RECK: variants seen among roughly 807,000 people sequenced by gnomAD.
The protein encoded by RECK is reversion-inducing cysteine-rich protein with Kazal motifs.
RECK carries 69 observed loss-of-function variants against 115.1 expected under a neutral mutation model. The observed-to-expected ratio is 0.60, with a 90% CI of 0.49 to 0.73. The LOEUF (loss-of-function observed/expected upper bound fraction) is 0.73. Among genes scored for constraint, RECK ranks in the 30% least tolerant of loss-of-function variants. The probability of loss-of-function intolerance (pLI) is 0.00; values close to 1 mark genes in which losing one functional copy is unlikely to be tolerated. For synonymous variants in RECK, 414 were observed against 419.7 expected (o/e 0.99, Z 0.17); for missense variants, 1,047 against 1,203.7 (o/e 0.87, Z 1.93).
At chr9:36,085,736 AAAAG>A (rs1211996574) in intron 8 of RECK, 2 of 152,110 alleles carry the variant, frequency 1.3e-5, no homozygotes, top group African/African-American at 4.8e-5. Flanking sequence ...AAAAAAGATG[AAAAG>A]AAAGAAAGAC....
chr9:36,116,504 T>C (rs1824273174), intron 16 of RECK, among the ~76,000 whole-genome samples: 1 of 152,226 alleles, frequency 6.6e-6, no homozygotes, highest in South Asian at 2.1e-4. Flanking sequence ...TGTTACTGAA[T>C]GCAAGGGCCT....
At chr9:36,083,721 G>C (rs767771658) in intron 8 of RECK, among the ~76,000 whole-genome samples, 159 bp downstream of exon 8, 6 of 152,152 alleles carry the variant, frequency 3.9e-5, no homozygotes, top group Non-Finnish European at 8.8e-5. Flanking sequence ...TATTGTCACA[G>C]CCAAAAGGGG....
Position 36,058,895 on chromosome 9 carries a change from G to T in RECK, c.228G>T (p.Glu76Asp). 6.4e-7 allele frequency: 1 copy of T among 1,562,514 alleles called. No individual in the cohort carries two copies. Among genetic ancestry groups the T allele is most frequent in the Non-Finnish European group, 8.7e-7 (1 of 1,149,682 alleles). ...LLQRAPDYCP[E>D]TMVEIWNCMN... Reference sequence around the variant, plus strand: ...AGCGAGCCCCAGATTATTGCCCAGAGACAATGGTAAGTCTTATTGTAACTT... The same window carrying T: ...AGCGAGCCCCAGATTATTGCCCAGATACAATGGTAAGTCTTATTGTAACTT... The change falls in exon 3 of 21, where the codon GAG (glutamate) becomes GAT (aspartate). Residue 76 changes from glutamate (E) to aspartate (D), a missense_variant. Physicochemically the swap from Glu to Asp is conservative, Grantham distance 45. Transcript: ENST00000377966.
At position 36,108,076 on chromosome 9, in the gene RECK, A is replaced by G. The variant is rs138423971; in HGVS notation, c.1677A>G (p.Ser559=). 852 of 1,613,930 alleles carry G rather than the reference A, an allele frequency of 5.3e-4. No individual in the cohort carries two copies. The highest frequency in any genetic ancestry group is 7.0e-4 in the Non-Finnish European group (822 of 1,179,884). Reference sequence around the variant, plus strand: ...AAGTTGGTTGTTATAAAATCTGTTCATGTGGACAAAGTGGACTCTTAGAAA... The same window carrying G: ...AAGTTGGTTGTTATAAAATCTGTTCGTGTGGACAAAGTGGACTCTTAGAAA... ...AGEVGCYKIC[S]CGQSGLLENC... The change falls in exon 14 of 21, where the codon TCA becomes TCG. Residue 559 remains serine (S), a synonymous_variant. Coordinates refer to ENST00000377966, the MANE Select transcript of RECK (RefSeq NM_021111.3).
intron 6 of RECK, among the ~76,000 whole-genome samples, chr9:36,069,802 G>GA (rs926074766): frequency 6.6e-6 from 1 of 151,824 alleles, no homozygotes; most frequent in Non-Finnish European, 1.5e-5. Context: ...GGATCAAAGG[G>GA]AAAAAAATCC....
At chr9:36,095,277 AAACT>A in intron 10 of RECK, among the ~76,000 whole-genome samples, 1 of 152,344 alleles carries the variant, frequency 6.6e-6, no homozygotes, top group Non-Finnish European at 1.5e-5. Flanking sequence ...TTAAAAACCA[AAACT>A]AACACAAGAA....
At chr9:36,039,066 C>T (rs1820773446) in intron 1 of RECK, among the ~76,000 whole-genome samples, 1 of 152,032 alleles carries the variant, frequency 6.6e-6, no homozygotes, top group African/African-American at 2.4e-5. Flanking sequence ...TTCTTCATAA[C>T]ACCTAAAGCG....
chr9:36,120,579 T>C (rs1824423319), intron 18 of RECK, 84 bp from the exon 19 acceptor site: 12 of 1,148,270 alleles, frequency 1.0e-5, no homozygotes, highest in Non-Finnish European at 1.5e-5. Context: ...CTGCCCAAAA[T>C]GAAGGGCTGG....
rs528383940 is a variant in RECK, at chr9:36,077,995, G to A, written c.406-2610G>A. On this transcript the variant is annotated intron_variant, in intron 6 of 20. Transcript: ENST00000377966. Reference sequence around the variant, plus strand: ...GGCAGCAGAGTGGAGGCCAACCTGGGCAACATAGCAAAACCCTGTGTCTTA... The same window carrying A: ...GGCAGCAGAGTGGAGGCCAACCTGGACAACATAGCAAAACCCTGTGTCTTA... Among the ~76,000 whole-genome samples the A allele has an allele frequency of 2.6e-5, 4 of 152,094 alleles. No homozygotes were observed. In the South Asian group the frequency reaches 8.3e-4, roughly 32 times the overall value.
At position 36,058,888 on chromosome 9, in the gene RECK, G is replaced by A; in HGVS notation, c.221G>A (p.Cys74Tyr). ...CTGTTGCAGCGAGCCCCAGATTATT[G>A]CCCAGAGACAATGGTAAGTCTTATT... The part of the protein sequence containing the change: ...KHLLQRAPDY[C>Y]PETMVEIWNC... Residue 74 changes from cysteine (C) to tyrosine (Y), a missense_variant, in exon 3 of 21, where the codon TGC becomes TAC. By Grantham distance (194) the Cys-to-Tyr change is radical. Transcript: ENST00000377966. 6.4e-7 allele frequency: 1 copy of A among 1,557,814 alleles called. No homozygotes were observed. The highest frequency in any genetic ancestry group is 8.7e-7 in the Non-Finnish European group (1 of 1,147,774).
At chr9:36,092,975 G>A (rs1455914167) in intron 10 of RECK, among the ~76,000 whole-genome samples, 1 of 152,116 alleles carries the variant, frequency 6.6e-6, no homozygotes, top group Non-Finnish European at 1.5e-5. Flanking sequence ...ACTTTTGCAG[G>A]ATGAGACTAC....
chr9:36,073,548 G>C (rs1010555976), intron 6 of RECK, among the ~76,000 whole-genome samples: 1 of 152,096 alleles, frequency 6.6e-6, no homozygotes, highest in South Asian at 2.1e-4. Flanking sequence ...TGCCAAACTA[G>C]TTTTCCTGTG....
chr9:36,055,759 T>G (rs1821498548), intron 2 of RECK, among the ~76,000 whole-genome samples: 1 of 152,166 alleles, frequency 6.6e-6, no homozygotes, highest in African/African-American at 2.4e-5. Flanking sequence ...CAGTTCTATA[T>G]TCTTTCCATT....
intron 13 of RECK, among the ~76,000 whole-genome samples, chr9:36,106,666 ATG>A (rs1323182672): frequency 6.6e-6 from 1 of 152,158 alleles, no homozygotes; most frequent in Non-Finnish European, 1.5e-5. Context: ...AAAATTGGAA[ATG>A]TCGGACTGTT....
intron 2 of RECK, 139 bp downstream of exon 2, chr9:36,052,462 T>C: frequency 3.7e-6 from 2 of 545,862 alleles, no homozygotes; most frequent in Non-Finnish European, 6.6e-6. Context: ...GCAAGACCCC[T>C]GTCTCTAAAA....
chr9:36,062,581 AG>A (rs1344788301), intron 4 of RECK, among the ~76,000 whole-genome samples: 1 of 152,022 alleles, frequency 6.6e-6, no homozygotes, highest in Non-Finnish European at 1.5e-5. Flanking sequence ...GGGTTCAAGC[AG>A]TTCTCCCACC....
intron 1 of RECK, among the ~76,000 whole-genome samples, chr9:36,038,740 T>C (rs752099057): frequency 3.9e-5 from 6 of 151,978 alleles, no homozygotes; most frequent in Non-Finnish European, 8.8e-5. Flanking sequence ...CCCTGTCTTA[T>C]AAATTCACAA....
chr9:36,048,262 G>A (rs1043607842), intron 1 of RECK, among the ~76,000 whole-genome samples: 1 of 151,110 alleles, frequency 6.6e-6, no homozygotes, highest in African/African-American at 2.4e-5. Flanking sequence ...GACAGCTGCT[G>A]ACAATGCCAA....
intron 6 of RECK, among the ~76,000 whole-genome samples, chr9:36,075,289 C>G (rs570334796): frequency 6.6e-6 from 1 of 152,346 alleles, no homozygotes; most frequent in East Asian, 1.9e-4. Context: ...AGGCTGTCTT[C>G]TAGACCTTGT....
Sources: gnomAD v4.1 joint callset for allele counts (sites outside exome capture counted in the v4.1 genomes callset) on GRCh38, gnomAD v4.1.1 for gene constraint, MANE v1.5 for transcripts, NCBI Gene and HGNC (gene_info 2026-07-23, HGNC 2026-07-21) for gene names.